The following DSE variants were observed in gnomAD, a reference collection of about 807,000 sequenced individuals.
DSE encodes the protein dermatan sulfate epimerase, also known as dermatan-sulfate epimerase.
In DSE, 36 loss-of-function variants were observed where a neutral mutation model predicts 84.4. The ratio of observed to expected loss-of-function variants is 0.43; its 90% confidence interval spans 0.33 to 0.56. The LOEUF is 0.56. Ranked by LOEUF, DSE falls within the 20% of genes least tolerant of loss-of-function variation. DSE has a pLI of 0.06. For synonymous variants in DSE, 410 were observed against 430.1 expected, an observed-to-expected ratio of 0.95 and a Z score of 0.58; for missense variants, 862 against 1,169.6, an observed-to-expected ratio of 0.74 and a Z score of 3.84.
intron 1 of DSE, among the ~76,000 whole-genome samples, chr6:116,386,283 T>G (rs935800463): frequency 6.6e-6 from 1 of 152,206 alleles, no homozygotes; most frequent in Non-Finnish European, 1.5e-5. Flanking sequence ...TAACAGGAAC[T>G]TAGATGATTT....
At chr6:116,300,126 A>G (rs904015392) in intron 2 of DSE, among the ~76,000 whole-genome samples, 2 of 152,214 alleles carry the variant, frequency 1.3e-5, no homozygotes, top group Admixed American at 6.5e-5. Flanking sequence ...AGACCTTCAC[A>G]TATTCCAGAA....
chr6:116,261,998 A>G (rs1437485381), intron 2 of DSE, among the ~76,000 whole-genome samples: 1 of 152,156 alleles, frequency 6.6e-6, no homozygotes, highest in East Asian at 1.9e-4. Context: ...TTGGTTTGCT[A>G]GTAGTTTGTG....
At chr6:116,406,920 ACT>A (rs1781966841) in intron 2 of DSE, among the ~76,000 whole-genome samples, 1 of 152,100 alleles carries the variant, frequency 6.6e-6, no homozygotes. Flanking sequence ...GGAAGGAATG[ACT>A]CAGGAAAAAA....
chr6:116,278,371 A>G lies in DSE; in HGVS notation c.-54+19404A>G, dbSNP rs898637668. The G allele has an allele frequency of 7.0e-6, 7 of 997,974 alleles. No homozygotes were observed. The African/African-American group carries it at 1.1e-4, about 16-fold the overall frequency. The allele number at this position is 997,974 out of a possible 1,614,324, so 61.8% of individuals were successfully genotyped here. A position where few individuals can be genotyped will look rare whatever the true frequency, so the allele number is the denominator to read the frequency against. ...CCACCGTCTCAATCTTGAGGTTGAG[A>G]GAACTGAATATCCAAAGGAAACAGG... On this transcript the variant is annotated intron_variant, in intron 2 of 3. Transcript: ENST00000430252.
At chr6:116,339,672 G>A (rs1777477528) in intron 2 of DSE, among the ~76,000 whole-genome samples, 1 of 152,160 alleles carries the variant, frequency 6.6e-6, no homozygotes. Context: ...ATGAAGAGGA[G>A]GGAGACAATG....
chr6:116,360,099 A>C (rs1033267495), intron 2 of DSE, among the ~76,000 whole-genome samples: 8 of 152,352 alleles, frequency 5.3e-5, no homozygotes, highest in African/African-American at 1.7e-4. Context: ...AAACTAACGC[A>C]GGAACAGAAA....
chr6:116,329,825 T>C (rs1024059787), intron 2 of DSE, among the ~76,000 whole-genome samples: 2 of 152,060 alleles, frequency 1.3e-5, no homozygotes, highest in African/African-American at 4.8e-5. Flanking sequence ...GTATAAATAT[T>C]TTTCTTTTCT....
intron 3 of DSE, 113 bp from the exon 4 acceptor site, chr6:116,430,840 AC>A: frequency 1.4e-6 from 2 of 1,425,094 alleles, no homozygotes; most frequent in Non-Finnish European, 1.9e-6. Context: ...GTTTTACAAA[AC>A]GCGATTTGTA....
At chr6:116,276,867 A>G (rs562835117) in intron 2 of DSE, 1 of 152,344 alleles carries the variant, frequency 6.6e-6, no homozygotes, top group East Asian at 1.9e-4. Context: ...CTAAGTTGTT[A>G]CCAGGGAAAA....
At chr6:116,395,620 C>G (rs1245814561) in intron 1 of DSE, among the ~76,000 whole-genome samples, 1 of 152,054 alleles carries the variant, frequency 6.6e-6, no homozygotes, top group Non-Finnish European at 1.5e-5. Flanking sequence ...AGGAGTTTTG[C>G]ATATCTGTAG....
intron 1 of DSE, among the ~76,000 whole-genome samples, chr6:116,374,893 A>C (rs1438911314): frequency 1.3e-5 from 2 of 152,190 alleles, no homozygotes; most frequent in Non-Finnish European, 2.9e-5. Flanking sequence ...CCACATCCAC[A>C]TTGGAGGTAA....
upstream of DSE, among the ~76,000 whole-genome samples, chr6:116,368,643 A>T (rs967756063): frequency 1.3e-5 from 2 of 152,174 alleles, no homozygotes; most frequent in African/African-American, 4.8e-5. Context: ...AGCTCCAAGG[A>T]TATACTTAGG....
chr6:116,254,227 A>C, exon 1 of DSE: 2 of 709,434 alleles, frequency 2.8e-6, no homozygotes, highest in East Asian at 2.7e-5. Flanking sequence ...TTCTTGTCAC[A>C]AAAAGAATTT....
intron 2 of DSE, among the ~76,000 whole-genome samples, chr6:116,296,210 A>G (rs1019090132): frequency 2.0e-5 from 3 of 152,190 alleles, no homozygotes; most frequent in Admixed American, 2.0e-4. Context: ...CTATACTTCA[A>G]ATCATCTCTA....
chr6:116,299,504 T>TTATATA (rs71553739), intron 2 of DSE, among the ~76,000 whole-genome samples: 46 of 11,462 alleles, frequency 4.0e-3, no homozygotes, highest in African/African-American at 8.4e-3. Flanking sequence ...TGAATTATTT[T>TTATATA]TATATATATA....
chr6:116,344,266 T>C (rs552889396), intron 2 of DSE, among the ~76,000 whole-genome samples: 4 of 152,136 alleles, frequency 2.6e-5, no homozygotes, highest in Non-Finnish European at 5.9e-5. Flanking sequence ...AACATTCAAA[T>C]TCAGGCAATA....
chr6:116,277,207 A>C (rs1773183876), intron 2 of DSE: 1 of 152,698 alleles, frequency 6.5e-6, no homozygotes, highest in Admixed American at 6.5e-5. Context: ...AGGTCACAAA[A>C]CAAGTAAGAA....
intron 2 of DSE, among the ~76,000 whole-genome samples, chr6:116,415,640 A>T (rs1234487514): frequency 3.2e-5 from 2 of 61,942 alleles, no homozygotes; most frequent in African/African-American, 6.6e-5. Flanking sequence ...TTATTTTCTT[A>T]CTTTTTTTGC....
chr6:116,263,721 G>C (rs1204858), intron 2 of DSE, among the ~76,000 whole-genome samples: 3,338 of 152,274 alleles, frequency 0.022, 136 homozygotes, highest in African/African-American at 0.077. Flanking sequence ...ACTTCAGTGT[G>C]TTTTTGTAGT....
Sources: gnomAD v4.1 joint callset for allele counts (sites outside exome capture counted in the v4.1 genomes callset) on GRCh38, gnomAD v4.1.1 for gene constraint, MANE v1.5 for transcripts, NCBI Gene and HGNC (gene_info 2026-07-23, HGNC 2026-07-21) for gene names.